ERP44: variants seen among roughly 807,000 people sequenced by gnomAD.
The protein encoded by ERP44 is endoplasmic reticulum protein 44.
In ERP44, 25 loss-of-function variants were observed where a neutral mutation model predicts 53.4. The ratio of observed to expected loss-of-function variants is 0.47; its 90% CI spans 0.34 to 0.65. ERP44 has a LOEUF of 0.65. Among genes scored for constraint, ERP44 ranks in the 30% least tolerant of loss-of-function variants. The pLI, the probability that ERP44 is intolerant of heterozygous loss-of-function variation, is 0.01. For synonymous variants in ERP44, 145 were observed against 161.2 expected (o/e 0.90, Z 0.76); for missense variants, 338 against 493.2 (o/e 0.69, Z 2.98).
In ERP44 at chr9:100,092,017, ATATG is replaced by A. The variant is rs1254809082; in HGVS notation, c.57+6763_57+6766del. Among the ~76,000 whole-genome samples, 8 of 152,342 alleles carry A rather than the reference ATATG, an allele frequency of 5.3e-5. No individual in the cohort carries two copies. In the East Asian group the frequency reaches 1.2e-3, roughly 22 times the overall value. On this transcript the variant is annotated intron_variant, in intron 1 of 11. Coordinates refer to ENST00000262455, the MANE Select transcript of ERP44 (RefSeq NM_015051.3). ...GAATTACTAATTTCTTGAAGGCATG[ATATG>A]CATCTCAATGATCTTTTTCTCCTCC... is the stretch of plus-strand genomic sequence containing the variant.
intron 1 of ERP44, among the ~76,000 whole-genome samples, chr9:100,062,907 T>C (rs1826167847): frequency 1.3e-5 from 2 of 151,278 alleles, no homozygotes; most frequent in Admixed American, 1.3e-4. Flanking sequence ...ACCCTGTCTC[T>C]ACAAAAAACT....
rs373902412 is a variant in ERP44 at position 100,058,909 on chromosome 9, TC to T, written c.131-1051del. ...ACTTTTTATATACTTGCTTATTCGC[TC>T]TAAAGCAGTGGTTCACAAACTGTGG... On this transcript the variant is annotated intron_variant, in intron 2 of 11. Coordinates refer to ENST00000262455, the MANE Select transcript of ERP44 (RefSeq NM_015051.3). 1.3e-4 allele frequency among the ~76,000 whole-genome samples: 20 copies of T among 152,362 alleles called. No homozygotes were observed. In the East Asian group the frequency reaches 1.9e-3, roughly 15 times the overall value.
chr9:100,063,092 A>AAAAAAAAAAAAAAAAAAAAG lies in ERP44; in HGVS notation c.58-2921_58-2920insCTTTTTTTTTTTTTTTTTTT, dbSNP rs773290883. ...CTGTCTCACAAAAAAAAAAAAAAAA[A>AAAAAAAAAAAAAAAAAAAAG]AGAGAGAGAGAGAGGGAAATTGATT... On this transcript the variant is annotated intron_variant, in intron 1 of 11. Transcript: ENST00000262455. Among the ~76,000 whole-genome samples the AAAAAAAAAAAAAAAAAAAAG allele has an allele frequency of 3.2e-4, 47 of 145,264 alleles. 1 individual carries two copies. The highest frequency in any genetic ancestry group is 6.3e-4 in the African/African-American group (24 of 38,132).
rs528274761 is a variant in ERP44 at position 100,043,612 on chromosome 9, G to T, written c.286+8805C>A. ...TCTACTAAATCTACAAAAATTAGCTGGCCGTGGTGGCGCACACCTGTAATC... is the reference window on the plus strand; with the variant it reads ...TCTACTAAATCTACAAAAATTAGCTTGCCGTGGTGGCGCACACCTGTAATC... On this transcript the variant is annotated intron_variant, in intron 4 of 11. Coordinates refer to ENST00000262455, the MANE Select transcript of ERP44 (RefSeq NM_015051.3). 2.6e-5 allele frequency among the ~76,000 whole-genome samples: 4 copies of T among 151,972 alleles called. No individual in the cohort carries two copies. The East Asian group carries it at 7.8e-4, about 29-fold the overall frequency.
chr9:100,061,799 T>G (rs1564100651), intron 1 of ERP44, among the ~76,000 whole-genome samples: 1 of 152,100 alleles, frequency 6.6e-6, no homozygotes, highest in Admixed American at 6.5e-5. Context: ...CTTATAAAAC[T>G]AATTTCATTA....
chr9:100,008,588 C>T (rs1347780822), intron 8 of ERP44, among the ~76,000 whole-genome samples: 3 of 152,116 alleles, frequency 2.0e-5, no homozygotes, highest in East Asian at 3.9e-4. Flanking sequence ...CCAGAAAGTA[C>T]AAATGTCCTT....
chr9:100,089,603 A>T (rs1173121526), intron 1 of ERP44, among the ~76,000 whole-genome samples: 2 of 150,626 alleles, frequency 1.3e-5, no homozygotes, highest in Non-Finnish European at 3.0e-5. Context: ...AAAAAAAAAA[A>T]GATATGCCAA....
At chr9:100,082,953 A>T (rs975957782) in intron 1 of ERP44, among the ~76,000 whole-genome samples, 2 of 152,176 alleles carry the variant, frequency 1.3e-5, no homozygotes, top group African/African-American at 4.8e-5. Context: ...CAAATCTTGG[A>T]ATGGAGAAGG....
At position 100,052,494 on chromosome 9, in the gene ERP44, T is replaced by C. The variant is rs371852623; in HGVS notation, c.209A>G (p.Glu70Gly). The part of the protein sequence containing the change: ...FSQMLHPIFE[E>G]ASDVIKEEFP... ...TTCTTCCTTAATGACATCGGAAGCT[T>C]CCTCAAAAATTGGATGCAACATCTG... The change falls in exon 4 of 12, where the codon GAA becomes GGA. Residue 70 changes from glutamate (E) to glycine (G), a missense_variant. Glu to Gly is a moderately conservative substitution (Grantham distance 98). This residue lies in a region of ERP44 where 224 missense variants were observed against 301.4 expected (regional missense o/e 0.74). Transcript: ENST00000262455. 2 of 1,612,566 alleles carry C rather than the reference T, an allele frequency of 1.2e-6. No homozygotes were observed. Among genetic ancestry groups the C allele is most frequent in the Non-Finnish European group, 1.7e-6 (2 of 1,179,330 alleles).
intron 3 of ERP44, among the ~76,000 whole-genome samples, chr9:100,056,822 A>G (rs1038252891): frequency 6.6e-6 from 1 of 152,210 alleles, no homozygotes; most frequent in African/African-American, 2.4e-5. Flanking sequence ...AAGTGGAGAG[A>G]GGCCAGACAT....
chr9:100,007,828 T>C (rs937524169), intron 8 of ERP44, 139 bp from the exon 9 acceptor site: 2 of 643,476 alleles, frequency 3.1e-6, no homozygotes, highest in South Asian at 1.7e-5. Flanking sequence ...GGCCCAGTGG[T>C]GTGAATAAAC....
At chr9:100,026,381 C>A (rs570898876) in intron 4 of ERP44, among the ~76,000 whole-genome samples, 23 of 152,122 alleles carry the variant, frequency 1.5e-4, no homozygotes, top group African/African-American at 5.3e-4. Context: ...AAGAAAAACA[C>A]GAATTTTTAA....
chr9:100,029,656 T>G (rs1825758860), intron 4 of ERP44, among the ~76,000 whole-genome samples: 1 of 152,218 alleles, frequency 6.6e-6, no homozygotes, highest in African/African-American at 2.4e-5. Flanking sequence ...GATCTAGCAA[T>G]TCCATTACTG....
At chr9:100,061,642 T>C (rs1826151789) in intron 1 of ERP44, among the ~76,000 whole-genome samples, 2 of 148,800 alleles carry the variant, frequency 1.3e-5, no homozygotes, top group Non-Finnish European at 3.0e-5. Flanking sequence ...ATATTTATTC[T>C]GTTCTTAGGA....
chr9:100,034,889 GGAACA>G (rs1473979493), intron 4 of ERP44, among the ~76,000 whole-genome samples: 3 of 151,962 alleles, frequency 2.0e-5, no homozygotes, highest in African/African-American at 7.3e-5. Context: ...ATAGAATAAA[GGAACA>G]GAATAGAGAA....
intron 4 of ERP44, among the ~76,000 whole-genome samples, chr9:100,031,695 A>G (rs556558144): frequency 6.7e-4 from 102 of 152,240 alleles, no homozygotes; most frequent in Middle Eastern, 3.4e-3. Context: ...TTTTTTTTTA[A>G]GAGTGCTATG....
intron 4 of ERP44, among the ~76,000 whole-genome samples, chr9:100,048,065 TAAAC>T (rs1460958524): frequency 6.6e-6 from 1 of 151,908 alleles, no homozygotes; most frequent in Non-Finnish European, 1.5e-5. Context: ...ATGGCTGCTA[TAAAC>T]AAACAAACGA....
chr9:100,057,345 C>A (rs1385196607), intron 3 of ERP44, among the ~76,000 whole-genome samples: 3 of 152,068 alleles, frequency 2.0e-5, no homozygotes, highest in Non-Finnish European at 4.4e-5. Flanking sequence ...TTTGCTAGGG[C>A]ACAAACAAGA....
intron 4 of ERP44, among the ~76,000 whole-genome samples, chr9:100,044,154 A>G (rs140137945): frequency 3.1e-4 from 47 of 151,918 alleles, no homozygotes; most frequent in Middle Eastern, 3.4e-3. Context: ...TTTTTGGAAA[A>G]TAATGATAAC....
Sources: gnomAD v4.1 joint callset for allele counts (sites outside exome capture counted in the v4.1 genomes callset) on GRCh38, gnomAD v4.1.1 for gene constraint, gnomAD v4.1.1 regional missense constraint, MANE v1.5 for transcripts, NCBI Gene and HGNC (gene_info 2026-07-23, HGNC 2026-07-21) for gene names.